USP9X: variants seen among roughly 807,000 people sequenced by gnomAD.
The protein encoded by USP9X is ubiquitin carboxyl-terminal hydrolase 9X.
USP9X carries 7 observed loss-of-function variants against 190.3 expected under a neutral mutation model. The ratio of observed to expected loss-of-function variants is 0.04; its 90% CI spans 0.02 to 0.07. The LOEUF (loss-of-function observed/expected upper bound fraction) is 0.07. USP9X is among the 10% of genes least tolerant of loss of function. The pLI is 1.00. For missense variants in USP9X, 1,010 were observed against 1,916.9 expected, an observed-to-expected ratio of 0.53 and a Z score of 8.83; for synonymous variants, 645 against 659.5, an observed-to-expected ratio of 0.98 and a Z score of 0.34.
chrX:41,112,934 G>A (rs1477341659), intron 1 of USP9X, among the ~76,000 whole-genome samples: 1 of 112,184 alleles, frequency 8.9e-6, no homozygotes, highest in African/African-American at 3.2e-5. Context: ...ATTAATGTTT[G>A]CTGTTTTTAT....
chrX:41,187,919 A>G lies in USP9X; in HGVS notation c.3685-73A>G, dbSNP rs2062896181. On this transcript the variant is annotated intron_variant, in intron 24 of 44. Coordinates refer to ENST00000378308, the MANE Select transcript of USP9X (RefSeq NM_001039591.3). ...TAATTCCTATTTCCTTTACAAAGTG[A>G]AACATTTTTGTTTTTCTAAACATAA... 8 of 1,066,836 alleles carry G rather than the reference A, an allele frequency of 7.5e-6. No individual in the cohort carries two copies. In the Admixed American group the frequency reaches 2.0e-4, roughly 27 times the overall value. The allele number at this position is 1,066,836 out of a possible 1,213,427, so 87.9% of individuals were successfully genotyped here.
intron 1 of USP9X, among the ~76,000 whole-genome samples, chrX:41,105,368 C>T (rs959383452): frequency 5.4e-5 from 6 of 111,882 alleles, no homozygotes; most frequent in African/African-American, 9.7e-5. Context: ...GTGAATTTGA[C>T]GACTCCAGGT....
Position 41,205,414 on chromosome X carries a change from C to T in USP9X, c.4936C>T (p.His1646Tyr), listed in dbSNP as rs767388082. 2.5e-6 allele frequency: 3 copies of T among 1,210,576 alleles called. No individual in the cohort carries two copies. Among genetic ancestry groups the T allele is most frequent in the Non-Finnish European group, 3.4e-6 (3 of 894,834 alleles). Residue 1646 changes from histidine to tyrosine, a missense_variant, in exon 32 of 45, where the codon CAC becomes TAC. Physicochemically the swap from His to Tyr is moderately conservative, Grantham distance 83. Around this residue, in one of 11 missense-constraint regions of USP9X, gnomAD observed 120 missense variants for 342.7 expected, o/e 0.35. Transcript: ENST00000378308. ...AGAGTACAACATTGGTGTCCTAAGACACCTTCAGGTCATCTTTGGTCATTT... is the reference window on the plus strand; with the variant it reads ...AGAGTACAACATTGGTGTCCTAAGATACCTTCAGGTCATCTTTGGTCATTT... ...RKEYNIGVLR[H>Y]LQVIFGHLAA... is the part of the protein sequence containing the mutation.
chrX:41,145,080 G>A (rs1311336130), intron 11 of USP9X, among the ~76,000 whole-genome samples: 2 of 111,620 alleles, frequency 1.8e-5, no homozygotes, highest in Non-Finnish European at 3.8e-5. Flanking sequence ...TGGTTTTTGA[G>A]GCCATGTTTT....
rs2063386969 is a variant in USP9X, at chrX:41,234,499, C to T, written c.*1975C>T. The T allele has an allele frequency of 8.9e-6, 1 of 112,128 alleles. No homozygotes were observed. The highest frequency in any genetic ancestry group is 1.9e-5 in the Non-Finnish European group (1 of 53,260). The allele number at this position is 112,128 out of a possible 1,213,427, so 9.2% of individuals were successfully genotyped here. On this transcript the variant is annotated 3_prime_UTR_variant, in exon 45 of 45. Coordinates refer to ENST00000378308, the MANE Select transcript of USP9X (RefSeq NM_001039591.3). Reference sequence around the variant, plus strand: ...CCTGTAGGACATTTTGACACCGATACTTTGAGTGAAAGTCACACACGGTGT... The same window carrying T: ...CCTGTAGGACATTTTGACACCGATATTTTGAGTGAAAGTCACACACGGTGT...
At chrX:41,181,959 A>G (rs2062830984) in intron 21 of USP9X, among the ~76,000 whole-genome samples, 1 of 111,876 alleles carries the variant, frequency 8.9e-6, no homozygotes. Context: ...TCCATTTTTT[A>G]TAAAATGTAA....
chrX:41,211,535 TA>T (rs936997688), intron 33 of USP9X, among the ~76,000 whole-genome samples: 1 of 113,549 alleles, frequency 8.8e-6, no homozygotes, highest in Non-Finnish European at 1.9e-5. Context: ...ATACAAAACA[TA>T]TCAAACCTAT....
intron 1 of USP9X, among the ~76,000 whole-genome samples, chrX:41,086,487 G>A (rs1241701292): frequency 8.9e-6 from 1 of 112,237 alleles, no homozygotes; most frequent in Non-Finnish European, 1.9e-5. Context: ...TTTGGGGGCT[G>A]GCCGCCCCCC....
intron 21 of USP9X, among the ~76,000 whole-genome samples, chrX:41,181,609 C>T (rs2062827884): frequency 9.2e-6 from 1 of 108,428 alleles, no homozygotes; most frequent in South Asian, 4.1e-4. Context: ...CCACCACGCC[C>T]AGCTAATTTT....
intron 23 of USP9X, among the ~76,000 whole-genome samples, chrX:41,186,041 A>G (rs2062871767): frequency 8.9e-6 from 1 of 111,851 alleles, no homozygotes; most frequent in African/African-American, 3.2e-5. Context: ...CAACTTGATT[A>G]TAGCATTAAG....
chrX:41,113,245 G>C (rs895987930), intron 1 of USP9X, among the ~76,000 whole-genome samples: 28 of 111,419 alleles, frequency 2.5e-4, no homozygotes. Context: ...TCTGTCGCCC[G>C]GGCTGGAGTG....
At position 41,151,026 on chromosome X, in the gene USP9X, AGTTT is replaced by A. The variant is rs1431284689; in HGVS notation, c.1738_1741del (p.Phe580ValfsTer7). 1 of 1,205,473 alleles carries A rather than the reference AGTTT, an allele frequency of 8.3e-7. No individual in the cohort carries two copies. The highest frequency in any genetic ancestry group is 1.7e-5 in the African/African-American group (1 of 57,748). On this transcript the variant is annotated frameshift_variant, in exon 13 of 45. Coordinates refer to ENST00000378308, the MANE Select transcript of USP9X (RefSeq NM_001039591.3). LOFTEE classifies it high-confidence loss of function. ...ACTGAAACAAATTAGAGAAATTTGT[AGTTT>A]GTTTGGTGAAGCGCCTCAAAATTTG...
chrX:41,124,639 A>G (rs1436943426), intron 2 of USP9X, among the ~76,000 whole-genome samples: 2 of 111,483 alleles, frequency 1.8e-5, no homozygotes, highest in African/African-American at 3.3e-5. Context: ...TTAGCATTGG[A>G]CCCATCATAA....
rs548765702 is a variant in USP9X at position 41,148,417 on chromosome X, C to T, written c.1468C>T (p.Leu490=). The T allele has an allele frequency of 4.4e-5, 53 of 1,210,165 alleles. No homozygotes were observed. In the South Asian group the frequency reaches 8.8e-4, roughly 20 times the overall value. The change falls in exon 12 of 45, where the codon CTG becomes TTG. Residue 490 remains leucine (L), a synonymous_variant. Coordinates refer to ENST00000378308, the MANE Select transcript of USP9X (RefSeq NM_001039591.3). The stretch of plus-strand genomic sequence containing the variant: ...AAAGCAACGTGAAAAGCTACTTGAG[C>T]TGATACGTCGTCTTGCAGAAGATGA... ...SKKQREKLLE[L]IRRLAEDDKD... is the part of the protein sequence containing the mutation.
chrX:41,209,647 G>A (rs1489178242), intron 32 of USP9X, among the ~76,000 whole-genome samples: 2 of 111,165 alleles, frequency 1.8e-5, no homozygotes, highest in East Asian at 2.8e-4. Flanking sequence ...TAAATAGAAC[G>A]GACTGGTGTA....
chrX:41,109,209 TA>T (rs2062091254), intron 1 of USP9X, among the ~76,000 whole-genome samples: 1 of 112,179 alleles, frequency 8.9e-6, no homozygotes, highest in Admixed American at 9.5e-5. Context: ...TTTTGTTTTT[TA>T]AAAAAATAAT....
chrX:41,118,594 C>T (rs2062167761), intron 1 of USP9X, among the ~76,000 whole-genome samples: 2 of 111,422 alleles, frequency 1.8e-5, no homozygotes, highest in Non-Finnish European at 3.8e-5. Context: ...TCTCCCTGGC[C>T]CCCTACTTGC....
In USP9X at chrX:41,225,140, G is replaced by T; in HGVS notation, c.7061+3G>T. On this transcript the variant is annotated splice_donor_region_variant and intron_variant, in intron 41 of 44. Transcript: ENST00000378308. The stretch of plus-strand genomic sequence containing the variant: ...GAGGACTCCTGGCAAACTCACAGGT[G>T]GATACTCTTTTTGTGACTGGAAACA... 1 of 1,207,873 alleles carries T rather than the reference G, an allele frequency of 8.3e-7. No individual in the cohort carries two copies. The highest frequency in any genetic ancestry group is 1.1e-6 in the Non-Finnish European group (1 of 892,497).
At chrX:41,153,594 T>A (rs188997323) in intron 14 of USP9X, among the ~76,000 whole-genome samples, 5 of 112,308 alleles carry the variant, frequency 4.5e-5, no homozygotes, top group African/African-American at 1.6e-4. Context: ...ATGTTTAGGA[T>A]AAAGTTTCCT....
Sources: gnomAD v4.1 joint callset for allele counts (sites outside exome capture counted in the v4.1 genomes callset) on GRCh38, gnomAD v4.1.1 for gene constraint, gnomAD v4.1.1 regional missense constraint, MANE v1.5 for transcripts, NCBI Gene and HGNC (gene_info 2026-07-23, HGNC 2026-07-21) for gene names.